Variants in FARS2 observed in about 807,000 individuals in gnomAD.
FARS2 encodes the protein phenylalanyl-tRNA synthetase 2, mitochondrial, also known as phenylalanine--tRNA ligase, mitochondrial.
In FARS2, 40 loss-of-function variants were observed where a neutral mutation model predicts 46.4. That is an observed-to-expected ratio of 0.86 (90% CI 0.67 to 1.12). FARS2 has a LOEUF of 1.12. Among genes scored for constraint, FARS2 ranks in the 50% most tolerant of loss-of-function variants. The probability of loss-of-function intolerance (pLI) is 0.00; values close to 1 mark genes in which losing one functional copy is unlikely to be tolerated. For synonymous variants in FARS2, 234 were observed against 214.9 expected (o/e 1.09, Z -0.78); for missense variants, 513 against 567.9 (o/e 0.90, Z 0.98).
chr6:5,699,961 G>T (rs753642328), intron 6 of FARS2, among the ~76,000 whole-genome samples: 1 of 152,044 alleles, frequency 6.6e-6, no homozygotes, highest in Non-Finnish European at 1.5e-5. Flanking sequence ...CTATAGTGTG[G>T]CTCCCAAACC....
At chr6:5,688,307 T>G (rs1020245472) in intron 6 of FARS2, among the ~76,000 whole-genome samples, 13 of 152,242 alleles carry the variant, frequency 8.5e-5, no homozygotes, top group African/African-American at 2.2e-4. Context: ...TTCCAGTTTT[T>G]GCCCATTCAG....
At chr6:5,497,346 C>A (rs1318617971) in intron 4 of FARS2, among the ~76,000 whole-genome samples, 1 of 152,136 alleles carries the variant, frequency 6.6e-6, no homozygotes, top group East Asian at 1.9e-4. Context: ...TAGGAGCAGG[C>A]CAGGGGCCAG....
At chr6:5,275,790 A>G (rs1263431000) in intron 1 of FARS2, among the ~76,000 whole-genome samples, 1 of 152,212 alleles carries the variant, frequency 6.6e-6, no homozygotes, top group Non-Finnish European at 1.5e-5. Flanking sequence ...TGGGAGTAGC[A>G]TAGTCACTTA....
At chr6:5,659,055 A>G (rs916655620) in intron 6 of FARS2, among the ~76,000 whole-genome samples, 1 of 152,148 alleles carries the variant, frequency 6.6e-6, no homozygotes, top group Non-Finnish European at 1.5e-5. Flanking sequence ...TTCCTTTACC[A>G]TTCTTAGCAG....
intron 6 of FARS2, among the ~76,000 whole-genome samples, chr6:5,715,377 G>A (rs1389162493): frequency 2.6e-5 from 4 of 152,122 alleles, no homozygotes; most frequent in Admixed American, 1.3e-4. Flanking sequence ...AGAGTTGTGC[G>A]TTCGTCGCCA....
Position 5,689,023 on chromosome 6 carries a change from T to C in FARS2, c.1217+75703T>C, listed in dbSNP as rs551538194. ...TATAGTATTCTCTGATGGTAGTTTG[T>C]ATTTCTGTGGGATCAGTGGTGATAT... On this transcript the variant is annotated intron_variant, in intron 6 of 6. Transcript: ENST00000274680. Among the ~76,000 whole-genome samples the C allele has an allele frequency of 3.7e-3, 560 of 152,330 alleles. 4 individuals carry two copies. Among genetic ancestry groups the C allele is most frequent in the African/African-American group, 0.013 (532 of 41,574 alleles).
chr6:5,318,387 C>CAAAAAAAAAAAAAAAAAAAA (rs753113504), intron 1 of FARS2, among the ~76,000 whole-genome samples: 1 of 77,192 alleles, frequency 1.3e-5, no homozygotes, highest in Non-Finnish European at 2.6e-5. Context: ...AAAAAAAAAC[C>CAAAAAAAAAAAAAAAAAAAA]AAAAAAAAAA....
chr6:5,723,936 C>A (rs1561822009), intron 6 of FARS2, among the ~76,000 whole-genome samples: 1 of 152,120 alleles, frequency 6.6e-6, no homozygotes, highest in Non-Finnish European at 1.5e-5. Flanking sequence ...AGGCACACTC[C>A]CCCAAGACAG....
At chr6:5,320,555 A>C (rs1769898004) in intron 1 of FARS2, among the ~76,000 whole-genome samples, 1 of 152,216 alleles carries the variant, frequency 6.6e-6, no homozygotes, top group African/African-American at 2.4e-5. Flanking sequence ...ATGAATTTTA[A>C]CATCAACATT....
At chr6:5,714,651 A>G (rs1759386373) in intron 6 of FARS2, among the ~76,000 whole-genome samples, 1 of 152,136 alleles carries the variant, frequency 6.6e-6, no homozygotes, top group African/African-American at 2.4e-5. Flanking sequence ...TTTCCTAATG[A>G]CCGTGGTTTC....
At chr6:5,368,468 G>T in intron 1 of FARS2, 82 bp from the exon 2 acceptor site, 1 of 1,228,480 alleles carries the variant, frequency 8.1e-7, no homozygotes, top group Admixed American at 2.2e-5. Context: ...GGACAAGAGG[G>T]AGCTGGTGGG....
At chr6:5,421,283 A>T (rs1392715071) in intron 3 of FARS2, among the ~76,000 whole-genome samples, 1 of 152,200 alleles carries the variant, frequency 6.6e-6, no homozygotes. Flanking sequence ...CAGGGCACCA[A>T]GTCCCTAGGC....
intron 4 of FARS2, chr6:5,466,742 T>C (rs1765538569): frequency 4.1e-6 from 4 of 980,264 alleles, no homozygotes; most frequent in Non-Finnish European, 4.8e-6. Flanking sequence ...AGGCTGTGTG[T>C]GGTGCCTGGG....
At chr6:5,369,615 T>C (rs1758913204) in intron 2 of FARS2, among the ~76,000 whole-genome samples, 1 of 152,166 alleles carries the variant, frequency 6.6e-6, no homozygotes. Flanking sequence ...ATTTCTTAGG[T>C]ACCTTAGGGG....
At chr6:5,600,180 A>C (rs1280565920) in intron 5 of FARS2, among the ~76,000 whole-genome samples, 1 of 152,244 alleles carries the variant, frequency 6.6e-6, no homozygotes, top group African/African-American at 2.4e-5. Context: ...GAAACATCAA[A>C]AGTTAATTGA....
chr6:5,591,582 C>T (rs1773921635), intron 5 of FARS2, among the ~76,000 whole-genome samples: 1 of 152,248 alleles, frequency 6.6e-6, no homozygotes. Context: ...CGACATAAAA[C>T]TCATTCATCT....
chr6:5,713,753 T>G lies in FARS2; in HGVS notation c.1218-57538T>G, dbSNP rs1424710631. Among the ~76,000 whole-genome samples the G allele has an allele frequency of 2.6e-5, 4 of 152,362 alleles. No homozygotes were observed. In the East Asian group the frequency reaches 7.7e-4, roughly 29 times the overall value. Reference sequence around the variant, plus strand: ...TTTGCATATTTGCACAGGCCATTGTTGCAGACAGGAGGGTGGCGCTTTGAG... The same window carrying G: ...TTTGCATATTTGCACAGGCCATTGTGGCAGACAGGAGGGTGGCGCTTTGAG... On this transcript the variant is annotated intron_variant, in intron 6 of 6. Coordinates refer to ENST00000274680, the MANE Select transcript of FARS2 (RefSeq NM_006567.5).
intron 4 of FARS2, among the ~76,000 whole-genome samples, chr6:5,515,123 C>A (rs1411098376): frequency 6.6e-6 from 1 of 151,942 alleles, no homozygotes; most frequent in Non-Finnish European, 1.5e-5. Context: ...ATCTATGTGG[C>A]CATAGGGAAA....
intron 2 of FARS2, among the ~76,000 whole-genome samples, chr6:5,392,938 GTGTATA>G (rs57947224): frequency 0.011 from 1,571 of 144,448 alleles, 39 homozygotes; most frequent in African/African-American, 0.038. Context: ...ATATGTGTGT[GTGTATA>G]TATATATACA....
Sources: allele counts gnomAD v4.1 joint callset (sites outside exome capture counted in the v4.1 genomes callset), GRCh38; gene constraint gnomAD v4.1.1; transcripts MANE v1.5; gene names NCBI Gene and HGNC (gene_info 2026-07-23, HGNC 2026-07-21).